Variants in FREM1 observed in about 807,000 individuals in gnomAD.
FREM1 encodes FRAS1 related extracellular matrix 1.
In FREM1, 220 loss-of-function variants were observed where a neutral mutation model predicts 210.1. The ratio of observed to expected loss-of-function variants is 1.05; its 90% CI spans 0.94 to 1.17. FREM1 has a LOEUF of 1.17. Among genes scored for constraint, FREM1 ranks in the 50% most tolerant of loss-of-function variants. FREM1 has a pLI of 0.00. For synonymous variants in FREM1, 1,189 were observed against 980.2 expected (o/e 1.21, Z -3.98); for missense variants, 3,454 against 2,675.5 (o/e 1.29, Z -6.42).
chr9:14,764,321 C>T (rs972154100), intron 27 of FREM1, among the ~76,000 whole-genome samples: 1 of 152,132 alleles, frequency 6.6e-6, no homozygotes, highest in African/African-American at 2.4e-5. Context: ...AGTGTGAAAG[C>T]AGACTAATAC....
intron 1 of FREM1, among the ~76,000 whole-genome samples, chr9:14,877,307 C>A (rs1431718219): frequency 1.3e-5 from 2 of 151,956 alleles, no homozygotes; most frequent in East Asian, 1.9e-4. Context: ...AGACATCTCA[C>A]ACTTTATGAA....
chr9:14,803,400 C>T (rs897039308), intron 19 of FREM1, among the ~76,000 whole-genome samples: 1 of 140,202 alleles, frequency 7.1e-6, no homozygotes, highest in East Asian at 2.3e-4. Flanking sequence ...TTCTCTGTTG[C>T]CCAGGCTACA....
chr9:14,798,948 A>G (rs976145598), intron 20 of FREM1, among the ~76,000 whole-genome samples: 17 of 151,796 alleles, frequency 1.1e-4, no homozygotes, highest in Admixed American at 2.0e-4. Flanking sequence ...TGCTGGGATT[A>G]CACGTGTGAA....
intron 34 of FREM1, 46 bp downstream of exon 34, chr9:14,746,877 A>C: frequency 6.3e-7 from 1 of 1,598,664 alleles, no homozygotes; most frequent in East Asian, 2.2e-5. Context: ...CTTATCATAG[A>C]GCACATTGCG....
intron 10 of FREM1, among the ~76,000 whole-genome samples, chr9:14,835,321 TG>T: frequency 6.6e-6 from 1 of 152,352 alleles, no homozygotes; most frequent in Non-Finnish European, 1.5e-5. Context: ...CTCTAGAATT[TG>T]GAGACTATCT....
At position 14,759,844 on chromosome 9, in the gene FREM1, C is replaced by A. The variant is rs769520862; in HGVS notation, c.5262G>T (p.Glu1754Asp). The A allele has an allele frequency of 9.9e-6, 16 of 1,612,400 alleles. No homozygotes were observed. In the South Asian group the frequency reaches 1.8e-4, roughly 18 times the overall value. Residue 1754 changes from glutamate to aspartate, a missense_variant, in exon 28 of 37, where the codon GAG (glutamate) becomes GAT (aspartate). Glu to Asp is a conservative substitution (Grantham distance 45, BLOSUM62 2). Transcript: ENST00000380880. Reference sequence around the variant, plus strand: ...TTTCCAAGGGCAACAAACCCACATTCTCACAGACTTCATATTCGGTCTGTG... The same window carrying A: ...TTTCCAAGGGCAACAAACCCACATTATCACAGACTTCATATTCGGTCTGTG... ...EWSQTEYEVC[E>D]NVGLLPLEII...
In FREM1 at chr9:14,836,526, C is replaced by T. The variant is rs547969910; in HGVS notation, c.1881+4921G>A. ...GCTCAGGGAAAATGCCGGCTTCAGC[C>T]CTGGGCGGCTACAATCCCTCTTTAA... On this transcript the variant is annotated intron_variant, in intron 10 of 36. Coordinates refer to ENST00000380880, the MANE Select transcript of FREM1 (RefSeq NM_001379081.2). This position sits in a 1 kb window ranked among gnomAD's most constrained non-coding sequence, Gnocchi z 4.9. Among the ~76,000 whole-genome samples the T allele has an allele frequency of 1.1e-4, 17 of 152,120 alleles. No homozygotes were observed. The highest frequency in any genetic ancestry group is 2.2e-4 in the Non-Finnish European group (15 of 68,016).
At chr9:14,849,744 T>C (rs1256211592) in intron 6 of FREM1, among the ~76,000 whole-genome samples, 1 of 152,124 alleles carries the variant, frequency 6.6e-6, no homozygotes, top group Admixed American at 6.5e-5. Flanking sequence ...GAAAACTGTG[T>C]GATCTCCACT....
At chr9:14,829,257 T>A (rs1450845687) in intron 10 of FREM1, among the ~76,000 whole-genome samples, 3 of 152,176 alleles carry the variant, frequency 2.0e-5, no homozygotes, top group African/African-American at 7.2e-5. Flanking sequence ...CAGCTTTTAT[T>A]ATAACATTTC....
Position 14,845,956 on chromosome 9 carries a change from T to C in FREM1, c.1393+4A>G. ...TTGCTAGGTTACCAAGTTGGATCAT[T>C]CACCTCTTAAAGTCAGCCATCCATG... On this transcript the variant is annotated splice_donor_region_variant and intron_variant, in intron 8 of 36. Transcript: ENST00000380880. The C allele has an allele frequency of 6.2e-7, 1 of 1,613,412 alleles. No individual in the cohort carries two copies. The highest frequency in any genetic ancestry group is 8.5e-7 in the Non-Finnish European group (1 of 1,179,578).
chr9:14,903,802 T>C (rs10961785), intron 1 of FREM1, among the ~76,000 whole-genome samples: 82,514 of 151,634 alleles, frequency 0.54, 22,792 homozygotes, highest in Non-Finnish European at 0.61. Context: ...CACACATTGA[T>C]ATCTTTGAGC....
At chr9:14,804,556 G>C (rs776580200) in intron 19 of FREM1, among the ~76,000 whole-genome samples, 1 of 152,194 alleles carries the variant, frequency 6.6e-6, no homozygotes, top group African/African-American at 2.4e-5. Flanking sequence ...CTGCACTCCA[G>C]CCTGGGCGAC....
chr9:14,741,057 C>A (rs931557195), intron 35 of FREM1, among the ~76,000 whole-genome samples: 6 of 151,492 alleles, frequency 4.0e-5, no homozygotes, highest in Non-Finnish European at 8.8e-5. Context: ...TACATTGTAC[C>A]CTACAATGTA....
chr9:14,783,738 A>G (rs749899810), intron 24 of FREM1, among the ~76,000 whole-genome samples: 12 of 152,312 alleles, frequency 7.9e-5, no homozygotes, highest in South Asian at 4.1e-4. Context: ...TTTTCACCAG[A>G]TTGTTATTCA....
intron 3 of FREM1, among the ~76,000 whole-genome samples, chr9:14,860,091 G>A (rs1196845692): frequency 1.3e-5 from 2 of 152,120 alleles, no homozygotes; most frequent in African/African-American, 4.8e-5. Context: ...TGAGTGATAT[G>A]CATGCATCAA....
chr9:14,881,313 T>C (rs1162676722), intron 1 of FREM1, among the ~76,000 whole-genome samples: 1 of 152,212 alleles, frequency 6.6e-6, no homozygotes, highest in Non-Finnish European at 1.5e-5. Flanking sequence ...CCACACCCCT[T>C]ACCTTTTGTA....
chr9:14,800,741 C>T (rs1452717091), intron 20 of FREM1, among the ~76,000 whole-genome samples: 1 of 152,054 alleles, frequency 6.6e-6, no homozygotes, highest in East Asian at 1.9e-4. Context: ...TTTCAATTAC[C>T]TACTACCTCT....
chr9:14,888,847 A>T (rs1161825849), intron 1 of FREM1, among the ~76,000 whole-genome samples: 1 of 152,218 alleles, frequency 6.6e-6, no homozygotes, highest in Non-Finnish European at 1.5e-5. Flanking sequence ...TTTTTCTGAA[A>T]ATAACTTTTT....
intron 16 of FREM1, 74 bp downstream of exon 16, chr9:14,812,738 T>A: frequency 1.4e-6 from 2 of 1,434,120 alleles, no homozygotes; most frequent in East Asian, 4.6e-5. Flanking sequence ...TGTTTGATTA[T>A]GGGAGCCCAC....
Sources: gnomAD v4.1 joint callset for allele counts (sites outside exome capture counted in the v4.1 genomes callset) on GRCh38, gnomAD v4.1.1 for gene constraint, Gnocchi (gnomAD v3.1) non-coding constraint, MANE v1.5 for transcripts, NCBI Gene and HGNC (gene_info 2026-07-23, HGNC 2026-07-21) for gene names.